PRTN3: variants seen among roughly 807,000 people sequenced by gnomAD.
The protein encoded by PRTN3 is myeloblastin.
In PRTN3, 22 loss-of-function variants were observed where a neutral mutation model predicts 20.7. That is an observed-to-expected ratio of 1.06 (90% CI 0.76 to 1.52). The LOEUF (loss-of-function observed/expected upper bound fraction) is 1.52. Ranked by LOEUF, PRTN3 falls within the 40% of genes most tolerant of loss-of-function variation. The pLI, the probability that PRTN3 is intolerant of heterozygous loss-of-function variation, is 0.00. For synonymous variants in PRTN3, 173 were observed against 152.9 expected (o/e 1.13, Z -0.97); for missense variants, 378 against 359.6 (o/e 1.05, Z -0.41).
intron 1 of PRTN3, among the ~76,000 whole-genome samples, chr19:842,413 A>ATTTTT (rs34047197): frequency 0.022 from 877 of 39,416 alleles, 219 homozygotes; most frequent in South Asian, 0.034. Context: ...TGCGCCCAGG[A>ATTTTT]TTTTTTTTTT....
chr19:845,428 GATGA>G (rs1376209290), intron 3 of PRTN3, among the ~76,000 whole-genome samples: 1 of 151,710 alleles, frequency 6.6e-6, no homozygotes, highest in Non-Finnish European at 1.5e-5. Flanking sequence ...GTGCTTTGAA[GATGA>G]ATGAATGGGC....
chr19:843,713 G>A (rs2035475783), intron 2 of PRTN3, 87 bp downstream of exon 2: 1 of 1,486,644 alleles, frequency 6.7e-7, no homozygotes, highest in Non-Finnish European at 8.9e-7. Context: ...GCCCGGGGAG[G>A]ACCCAGCTAA....
Position 846,181 on chromosome 19 carries a change from C to A in PRTN3, c.404C>A (p.Ala135Asp). 6.7e-7 allele frequency: 1 copy of A among 1,501,252 alleles called. No individual in the cohort carries two copies. Among genetic ancestry groups the A allele is most frequent in the Admixed American group, 2.3e-5 (1 of 42,930 alleles). 93.0% of individuals were successfully genotyped at this position (1,501,252 alleles called of 1,614,324 possible). Reference sequence around the variant, plus strand: ...CCAGCCAACCTCAGTGCCTCCGTCGCCACAGTCCAGCTGCCACAGCAGGAC... The same window carrying A: ...CCAGCCAACCTCAGTGCCTCCGTCGACACAGTCCAGCTGCCACAGCAGGAC... ...SSPANLSASV[A>D]TVQLPQQDQP... The change falls in exon 4 of 5, where the codon GCC (alanine) becomes GAC (aspartate). Residue 135 changes from alanine (A) to aspartate (D), a missense_variant. Transcript: ENST00000234347.
Position 846,177 on chromosome 19 carries a change from G to T in PRTN3, c.400G>T (p.Val134Phe). The change falls in exon 4 of 5, where the codon GTC becomes TTC. Residue 134 changes from valine to phenylalanine, a missense_variant. Physicochemically the swap from Val to Phe is conservative, Grantham distance 50. Coordinates refer to ENST00000234347, the MANE Select transcript of PRTN3 (RefSeq NM_002777.4). ...CAGCCCAGCCAACCTCAGTGCCTCC[G>T]TCGCCACAGTCCAGCTGCCACAGCA... ...LSSPANLSASVATVQLPQQDQ... is the reference protein window; with the variant it reads ...LSSPANLSASFATVQLPQQDQ... 6.7e-7 allele frequency: 1 copy of T among 1,488,802 alleles called. No individual in the cohort carries two copies. The allele number at this position is 1,488,802 out of a possible 1,614,324, so 92.2% of individuals were successfully genotyped here.
In PRTN3 at chr19:843,541, CG is replaced by C; in HGVS notation, c.147del (p.Asn50ThrfsTer11). 4 of 1,596,562 alleles carry C rather than the reference CG, an allele frequency of 2.5e-6. No individual in the cohort carries two copies. The highest frequency in any genetic ancestry group is 2.6e-6 in the Non-Finnish European group (3 of 1,174,312). Reference sequence around the variant, plus strand: ...GCCCTACATGGCCTCCCTGCAGATGCGGGGGAACCCGGGCAGCCACTTCTGC... The same window carrying C: ...GCCCTACATGGCCTCCCTGCAGATGCGGGGAACCCGGGCAGCCACTTCTGC... ...SRPYMASLQMRGNPGSHFCGG... is the reference protein window; with the variant it reads ...SRPYMASLQMXGNPGSHFCGG... On this transcript the variant is annotated frameshift_variant, in exon 2 of 5. Coordinates refer to ENST00000234347, the MANE Select transcript of PRTN3 (RefSeq NM_002777.4). LOFTEE classifies it high-confidence loss of function.
intron 3 of PRTN3, 112 bp from the exon 4 acceptor site, chr19:846,035 G>T: frequency 1.5e-6 from 1 of 670,418 alleles, no homozygotes; most frequent in Non-Finnish European, 2.4e-6. Context: ...CGGAGGGAGC[G>T]GCATCCGCGG....
chr19:847,629 G>T (rs929722017), intron 4 of PRTN3, among the ~76,000 whole-genome samples, 170 bp from the exon 5 acceptor site: 1 of 152,092 alleles, frequency 6.6e-6, no homozygotes, highest in Admixed American at 6.6e-5. Context: ...TTCTGAAACA[G>T]CTGTGGCTAC....
chr19:846,781 T>C (rs1275391126), intron 4 of PRTN3, among the ~76,000 whole-genome samples: 1 of 152,142 alleles, frequency 6.6e-6, no homozygotes, highest in Admixed American at 6.5e-5. Context: ...GTCGCTCTGT[T>C]GTCCAGGCTG....
At position 846,297 on chromosome 19, in the gene PRTN3, A is replaced by G; in HGVS notation, c.520A>G (p.Asn174Asp). ...CCCAGCCCAGGTCCTGCAGGAGCTC[A>G]ATGTCACCGTGGTCACCTTCTTCTG... Reference protein sequence around the residue: ...DPPAQVLQELNVTVVTFFCRP... With the variant: ...DPPAQVLQELDVTVVTFFCRP... Residue 174 changes from asparagine to aspartate, a missense_variant, in exon 4 of 5, where the codon AAT becomes GAT. Physicochemically the swap from Asn to Asp is conservative, Grantham distance 23 (BLOSUM62 1). Coordinates refer to ENST00000234347, the MANE Select transcript of PRTN3 (RefSeq NM_002777.4). 1 of 1,593,770 alleles carries G rather than the reference A, an allele frequency of 6.3e-7. No homozygotes were observed.
chr19:842,004 G>A (rs1357568672), intron 1 of PRTN3, among the ~76,000 whole-genome samples: 1 of 149,612 alleles, frequency 6.7e-6, no homozygotes, highest in Admixed American at 6.8e-5. Flanking sequence ...TGGGATTACA[G>A]GCGTGAGCCA....
At chr19:843,655 G>A (rs1336263251) in intron 2 of PRTN3, 29 bp downstream of exon 2, 17 of 1,513,546 alleles carry the variant, frequency 1.1e-5, no homozygotes, top group Middle Eastern at 3.6e-4. Flanking sequence ...ACCCCTGTCC[G>A]CCCGCCCCGC....
chr19:843,447 C>T lies in PRTN3; in HGVS notation c.62-14C>T, dbSNP rs2035469855. Reference sequence around the variant, plus strand: ...GCCTGGGGGCTCCCTGACGCCTGGACTCCCCCCCTGCAGGTGCTGCCCGAG... The same window carrying T: ...GCCTGGGGGCTCCCTGACGCCTGGATTCCCCCCCTGCAGGTGCTGCCCGAG... On this transcript the variant is annotated splice_polypyrimidine_tract_variant and intron_variant, in intron 1 of 4. Coordinates refer to ENST00000234347, the MANE Select transcript of PRTN3 (RefSeq NM_002777.4). 2 of 1,544,862 alleles carry T rather than the reference C, an allele frequency of 1.3e-6. No homozygotes were observed. Among genetic ancestry groups the T allele is most frequent in the East Asian group, 2.4e-5 (1 of 41,572 alleles).
chr19:847,702 G>A, intron 4 of PRTN3, 97 bp from the exon 5 acceptor site: 1 of 1,428,090 alleles, frequency 7.0e-7, no homozygotes, highest in South Asian at 1.4e-5. Context: ...ATCCTCCCGG[G>A]AGACTCAGGT....
chr19:843,660 C>T, intron 2 of PRTN3, 34 bp downstream of exon 2: 3 of 1,544,032 alleles, frequency 1.9e-6, no homozygotes, highest in Middle Eastern at 1.7e-4. Flanking sequence ...TGTCCGCCCG[C>T]CCCGCCCTCT....
At chr19:847,166 C>T (rs2035527655) in intron 4 of PRTN3, among the ~76,000 whole-genome samples, 1 of 152,122 alleles carries the variant, frequency 6.6e-6, no homozygotes, top group Non-Finnish European at 1.5e-5. Flanking sequence ...ATTAGCTGGG[C>T]ATGGTGATGT....
At chr19:844,161 G>A in intron 3 of PRTN3, 127 bp downstream of exon 3, 1 of 1,281,032 alleles carries the variant, frequency 7.8e-7, no homozygotes, top group Non-Finnish European at 1.0e-6. Context: ...GCTGCAGCCT[G>A]GGTCCAGTGG....
chr19:847,539 G>GAAAGAA (rs2035532778), intron 4 of PRTN3, among the ~76,000 whole-genome samples: 5 of 139,676 alleles, frequency 3.6e-5, no homozygotes, highest in African/African-American at 1.4e-4. Flanking sequence ...AAGAAAGAAA[G>GAAAGAA]AAAGAAAGAA....
At chr19:842,018 C>T (rs770952141) in intron 1 of PRTN3, among the ~76,000 whole-genome samples, 5 of 127,506 alleles carry the variant, frequency 3.9e-5, no homozygotes, top group Admixed American at 9.0e-5. Context: ...TGAGCCACCG[C>T]GCCTGGCCCT....
chr19:848,126 G>A lies in PRTN3; in HGVS notation c.*157G>A. On this transcript the variant is annotated 3_prime_UTR_variant, in exon 5 of 5. Coordinates refer to ENST00000234347, the MANE Select transcript of PRTN3 (RefSeq NM_002777.4). ...CCTCCCACGGGGCTCCGGGAGACAG[G>A]CCGGCCCTGCACCTCACCCCACCGT... 1 of 916,518 alleles carries A rather than the reference G, an allele frequency of 1.1e-6. No individual in the cohort carries two copies. The highest frequency in any genetic ancestry group is 1.6e-6 in the Non-Finnish European group (1 of 624,388). The allele number at this position is 916,518 out of a possible 1,614,324, so 56.8% of individuals were successfully genotyped here.
Sources: gnomAD v4.1 joint callset for allele counts (sites outside exome capture counted in the v4.1 genomes callset) on GRCh38, gnomAD v4.1.1 for gene constraint, MANE v1.5 for transcripts, NCBI Gene and HGNC (gene_info 2026-07-23, HGNC 2026-07-21) for gene names.